CCT8: variants seen among roughly 807,000 people sequenced by gnomAD.
CCT8 encodes the protein chaperonin containing TCP1 subunit 8.
In CCT8, 10 loss-of-function variants were observed where a neutral mutation model predicts 65.7. The ratio of observed to expected loss-of-function variants is 0.15; its 90% CI spans 0.09 to 0.26. The LOEUF is 0.26. CCT8 is among the 10% of genes least tolerant of loss of function. CCT8 has a pLI of 1.00. For missense variants in CCT8, 568 were observed against 669.1 expected (o/e 0.85, Z 1.67); for synonymous variants, 199 against 221.8 (o/e 0.90, Z 0.92).
chr21:29,072,026 C>CA, intron 1 of CCT8: 1 of 693,220 alleles, frequency 1.4e-6, no homozygotes, highest in South Asian at 1.5e-5. Context: ...AAAAACAGGT[C>CA]AAAATCATTC....
intron 10 of CCT8, 29 bp downstream of exon 10, chr21:29,062,299 C>T (rs747353614): frequency 8.1e-6 from 13 of 1,607,138 alleles, no homozygotes; most frequent in South Asian, 2.2e-5. Flanking sequence ...AAGCCCTACA[C>T]TTAAACATGT....
At chr21:29,073,124 T>C (rs2085701718) in intron 1 of CCT8, 2 of 333,628 alleles carry the variant, frequency 6.0e-6, no homozygotes, top group African/African-American at 2.2e-5. Context: ...TTCCCCATCC[T>C]ACAACTCGCG....
chr21:29,059,501 G>A (rs1386302497), intron 14 of CCT8: 2 of 152,182 alleles, frequency 1.3e-5, no homozygotes, highest in South Asian at 2.1e-4. Context: ...GAATTTCTGC[G>A]TTCCTTATGC....
At chr21:29,069,094 A>G (rs1460829697) in intron 3 of CCT8, among the ~76,000 whole-genome samples, 1 of 152,176 alleles carries the variant, frequency 6.6e-6, no homozygotes, top group Non-Finnish European at 1.5e-5. Context: ...AACCACTGTT[A>G]TATGTATACG....
rs2085607617 is a variant in CCT8, at chr21:29,065,125, A to C, written c.625-20T>G. The C allele has an allele frequency of 6.2e-7, 1 of 1,610,884 alleles. No homozygotes were observed. The highest frequency in any genetic ancestry group is 8.5e-7 in the Non-Finnish European group (1 of 1,178,188). ...AGAGCCCTAAGGAATTGAATACCAAACTCATCAGCAATCTCCTGAAAATAA... is the reference window on the plus strand; with the variant it reads ...AGAGCCCTAAGGAATTGAATACCAACCTCATCAGCAATCTCCTGAAAATAA... On this transcript the variant is annotated intron_variant, in intron 6 of 14. Transcript: ENST00000286788.
In CCT8 at chr21:29,056,621, A is replaced by G. The variant is rs1257493229; in HGVS notation, c.1570-69T>C. The stretch of plus-strand genomic sequence containing the variant: ...CCTTTAGAATGAAAAGAATGCTTCT[A>G]TTAGCATGATTTAAGATTAAGCAGT... On this transcript the variant is annotated intron_variant, in intron 14 of 14. Coordinates refer to ENST00000286788, the MANE Select transcript of CCT8 (RefSeq NM_006585.4). The G allele has an allele frequency of 3.2e-6, 3 of 938,094 alleles. No homozygotes were observed. In the African/African-American group the frequency reaches 5.0e-5, roughly 16 times the overall value. 58.1% of individuals were successfully genotyped at this position (938,094 alleles called of 1,614,324 possible).
At position 29,061,553 on chromosome 21, in the gene CCT8, T is replaced by C. The variant is rs1339717002; in HGVS notation, c.1227A>G (p.Val409=). 1.2e-6 allele frequency: 2 copies of C among 1,613,980 alleles called. No individual in the cohort carries two copies. Among genetic ancestry groups the C allele is most frequent in the South Asian group, 2.2e-5 (2 of 91,074 alleles). The change falls in exon 12 of 15, where the codon GTA becomes GTG. Residue 409 remains valine (V), a synonymous_variant. Transcript: ENST00000286788. ...FKVLTRDKRL[V]PGGGATEIEL... ...CAATTTCTGTTGCTCCACCTCCGGG[T>C]ACAAGACGTTTATCCTGTATGTAGC...
intron 14 of CCT8, among the ~76,000 whole-genome samples, chr21:29,058,871 C>T (rs1055651851): frequency 1.3e-5 from 2 of 152,046 alleles, no homozygotes; most frequent in African/African-American, 4.8e-5. Context: ...GGATTACAGG[C>T]GTGAGCCACC....
At chr21:29,058,593 CTTTT>C (rs71189337) in intron 14 of CCT8, among the ~76,000 whole-genome samples, 3 of 125,514 alleles carry the variant, frequency 2.4e-5, no homozygotes, top group African/African-American at 3.0e-5. Context: ...TGTATTTCTT[CTTTT>C]TTTTTTTTTT....
intron 3 of CCT8, among the ~76,000 whole-genome samples, chr21:29,068,554 G>A (rs192745049): frequency 9.1e-4 from 138 of 152,134 alleles, no homozygotes; most frequent in African/African-American, 3.1e-3. Context: ...CCGCCTCCCA[G>A]GTTCAAGCAA....
chr21:29,057,025 A>G (rs967590450), intron 14 of CCT8, among the ~76,000 whole-genome samples: 4 of 151,968 alleles, frequency 2.6e-5, no homozygotes, highest in Admixed American at 2.0e-4. Context: ...TACAAAGTTT[A>G]ACACTGAAAT....
At chr21:29,061,619 A>C (rs1200450469) in intron 11 of CCT8, 52 bp from the exon 12 acceptor site, 1 of 1,559,248 alleles carries the variant, frequency 6.4e-7, no homozygotes, top group African/African-American at 1.4e-5. Context: ...CAAATTCACT[A>C]AAAATCAGTT....
intron 7 of CCT8, among the ~76,000 whole-genome samples, chr21:29,064,570 A>G (rs937177844): frequency 1.3e-5 from 2 of 152,154 alleles, no homozygotes; most frequent in Non-Finnish European, 2.9e-5. Flanking sequence ...TATAAACACA[A>G]ACTTCAAACT....
intron 3 of CCT8, among the ~76,000 whole-genome samples, chr21:29,069,111 C>A (rs977294717): frequency 6.6e-6 from 1 of 152,068 alleles, no homozygotes; most frequent in Non-Finnish European, 1.5e-5. Context: ...TACGTTTTTG[C>A]ACTGTGGAAT....
intron 2 of CCT8, 117 bp downstream of exon 2, chr21:29,070,130 G>A: frequency 3.7e-6 from 2 of 537,194 alleles, no homozygotes; most frequent in African/African-American, 2.0e-5. Flanking sequence ...AACTATCATT[G>A]AGCTATCAAA....
chr21:29,064,436 A>AAAAAAAAAAAAAAAAAAAAAAAAAAAG (rs71189338), intron 7 of CCT8, among the ~76,000 whole-genome samples: 1 of 135,894 alleles, frequency 7.4e-6, no homozygotes, highest in Non-Finnish European at 1.6e-5. Flanking sequence ...AAAAAAAAAA[A>AAAAAAAAAAAAAAAAAAAAAAAAAAAG]GAATAAAATA....
At chr21:29,071,155 G>A (rs1014837733) in intron 1 of CCT8, among the ~76,000 whole-genome samples, 1 of 152,040 alleles carries the variant, frequency 6.6e-6, no homozygotes, top group African/African-American at 2.4e-5. Context: ...ACATACATGG[G>A]GCTAGTGAAA....
At position 29,073,628 on chromosome 21, in the gene CCT8, A is replaced by G. The variant is rs372361967; in HGVS notation, c.-38T>C. 7.5e-6 allele frequency: 12 copies of G among 1,601,656 alleles called. No homozygotes were observed. Among genetic ancestry groups the G allele is most frequent in the Non-Finnish European group, 1.0e-5 (12 of 1,169,562 alleles). ...GGAAGCAGTTCACGCGACCGCTCGG[A>G]AGACCGCGGAGGAAGCGAGGAGCAC... On this transcript the variant is annotated 5_prime_UTR_variant, in exon 1 of 15. Coordinates refer to ENST00000286788, the MANE Select transcript of CCT8 (RefSeq NM_006585.4).
Position 29,069,509 on chromosome 21 carries a change from A to AGTAAC in CCT8, c.152-12_152-8dup. 6.6e-7 allele frequency: 1 copy of AGTAAC among 1,525,990 alleles called. No homozygotes were observed. The highest frequency in any genetic ancestry group is 1.3e-5 in the South Asian group (1 of 77,070). 94.5% of individuals were successfully genotyped at this position (1,525,990 alleles called of 1,614,324 possible). A position where few individuals can be genotyped will look rare whatever the true frequency, so the allele number is the denominator to read the frequency against. On this transcript the variant is annotated splice_polypyrimidine_tract_variant and splice_region_variant and intron_variant, in intron 2 of 14. Coordinates refer to ENST00000286788, the MANE Select transcript of CCT8 (RefSeq NM_006585.4). ...ATAACCATTTTGTTCATTCCTCAAA[A>AGTAAC]GTAACAGTTAAAAAAAGAAAAAGAA...
Sources: allele counts gnomAD v4.1 joint callset (sites outside exome capture counted in the v4.1 genomes callset), GRCh38; gene constraint gnomAD v4.1.1; transcripts MANE v1.5; gene names NCBI Gene and HGNC (gene_info 2026-07-23, HGNC 2026-07-21).